The following PTPN22 variants were observed in gnomAD, a reference collection of about 807,000 sequenced individuals.
PTPN22 encodes the protein tyrosine-protein phosphatase non-receptor type 22.
Under a neutral mutation model 103.3 loss-of-function variants are expected in PTPN22, and 85 were observed. The ratio of observed to expected loss-of-function variants is 0.82; its 90% confidence interval spans 0.69 to 0.99. PTPN22 has a LOEUF of 0.99. PTPN22 is among the 50% of genes least tolerant of loss of function. The probability of loss-of-function intolerance (pLI) is 0.00; values close to 1 mark genes in which losing one functional copy is unlikely to be tolerated. For synonymous variants in PTPN22, 323 were observed against 310.2 expected, an observed-to-expected ratio of 1.04 and a Z score of -0.43; for missense variants, 865 against 936.9, an observed-to-expected ratio of 0.92 and a Z score of 1.00.
In PTPN22 at chr1:113,836,956, G is replaced by A. The variant is rs914651591; in HGVS notation, c.1810+634C>T. On this transcript the variant is annotated intron_variant, in intron 13 of 20. Coordinates refer to ENST00000359785, the Ensembl canonical transcript of PTPN22. Reference sequence around the variant, plus strand: ...ATATTTTTAAAAAACAGTATATTGTGAGCCTTTGATATACATTTCTAGAAA... The same window carrying A: ...ATATTTTTAAAAAACAGTATATTGTAAGCCTTTGATATACATTTCTAGAAA... Among the ~76,000 whole-genome samples the A allele has an allele frequency of 9.9e-5, 15 of 151,966 alleles. No individual in the cohort carries two copies. In the South Asian group the frequency reaches 1.2e-3, roughly 13 times the overall value.
chr1:113,844,471 CA>C (rs1464968363), intron 11 of PTPN22, among the ~76,000 whole-genome samples: 1 of 152,100 alleles, frequency 6.6e-6, no homozygotes, highest in African/African-American at 2.4e-5. Context: ...CAAAAACAAA[CA>C]AAAAACCAAT....
In PTPN22 at chr1:113,858,469, C is replaced by T. The variant is rs748841067; in HGVS notation, c.369+9G>A. ...GAGAATAAAGTAACAAAAGCAACAC[C>T]ATACTTACAAGGACACTATATTCCC... On this transcript the variant is annotated intron_variant, in intron 4 of 20. Transcript: ENST00000359785. 7.7e-6 allele frequency: 12 copies of T among 1,550,522 alleles called. No homozygotes were observed. In the South Asian group the frequency reaches 1.1e-4, roughly 15 times the overall value.
intron 19 of PTPN22, among the ~76,000 whole-genome samples, chr1:113,821,304 T>C (rs1416711252): frequency 2.0e-5 from 3 of 151,954 alleles, no homozygotes; most frequent in Admixed American, 6.6e-5. Flanking sequence ...ATTTTTTTGT[T>C]TTGTTTTGTT....
exon 13 of PTPN22, chr1:113,838,070 T>A (rs74163655): frequency 4.3e-6 from 7 of 1,613,818 alleles, no homozygotes; most frequent in Non-Finnish European, 5.9e-6. Context: ...GTCCGTGTTA[T>A]TGGCACCTTT....
chr1:113,852,868 A>T (rs188989656), intron 9 of PTPN22, among the ~76,000 whole-genome samples: 283 of 152,364 alleles, frequency 1.9e-3, no homozygotes, highest in African/African-American at 6.6e-3. Flanking sequence ...AACAGAAATC[A>T]TATGTCTACT....
intron 9 of PTPN22, among the ~76,000 whole-genome samples, chr1:113,853,933 T>C (rs1401968344): frequency 6.8e-6 from 1 of 146,586 alleles, no homozygotes; most frequent in Non-Finnish European, 1.5e-5. Context: ...TGGCGCGATC[T>C]TGGCTCACTG....
At chr1:113,845,060 C>A (rs923075901) in intron 11 of PTPN22, among the ~76,000 whole-genome samples, 2 of 152,176 alleles carry the variant, frequency 1.3e-5, no homozygotes, top group East Asian at 3.8e-4. Flanking sequence ...CTCAAGGAAT[C>A]CTCCCACCTT....
At chr1:113,862,382 A>G (rs1665691063) in intron 1 of PTPN22, among the ~76,000 whole-genome samples, 1 of 152,142 alleles carries the variant, frequency 6.6e-6, no homozygotes, top group Admixed American at 6.5e-5. Flanking sequence ...GAGAAACCAG[A>G]TTCTGTGTGT....
chr1:113,821,368 C>G (rs1226389514), intron 19 of PTPN22, among the ~76,000 whole-genome samples: 1 of 152,086 alleles, frequency 6.6e-6, no homozygotes. Context: ...GTCGCCCAGG[C>G]TGGAGTGCAA....
At chr1:113,866,619 C>G (rs1297506701) in intron 1 of PTPN22, among the ~76,000 whole-genome samples, 5 of 152,042 alleles carry the variant, frequency 3.3e-5, no homozygotes, top group Non-Finnish European at 7.4e-5. Context: ...TTTAATCAGC[C>G]TGATAATTTT....
chr1:113,839,583 ATAAT>A (rs1663340264), intron 11 of PTPN22, among the ~76,000 whole-genome samples: 2 of 152,152 alleles, frequency 1.3e-5, no homozygotes, highest in South Asian at 4.1e-4. Context: ...ATCTTAAAAT[ATAAT>A]TGATTATAAA....
In PTPN22 at chr1:113,833,100, G is replaced by T. The variant is rs754596513; in HGVS notation, c.2053+11C>A. On this transcript the variant is annotated intron_variant, in intron 16 of 20. Coordinates refer to ENST00000359785, the Ensembl canonical transcript of PTPN22. The stretch of plus-strand genomic sequence containing the variant: ...GGCTAAATGTCATCTAAAGCCAAGA[G>T]AAATTTTTACCTGATTTAGGACTTC... The T allele has an allele frequency of 1.3e-6, 2 of 1,564,430 alleles. No homozygotes were observed. The highest frequency in any genetic ancestry group is 1.8e-6 in the Non-Finnish European group (2 of 1,139,348).
chr1:113,848,903 C>T (rs1664323178), intron 10 of PTPN22, among the ~76,000 whole-genome samples: 2 of 151,946 alleles, frequency 1.3e-5, no homozygotes, highest in Admixed American at 6.6e-5. Context: ...ATGTTCTAAA[C>T]CTAGTTTCTT....
intron 11 of PTPN22, among the ~76,000 whole-genome samples, chr1:113,847,127 G>C (rs1021489773): frequency 7.1e-6 from 1 of 140,922 alleles, no homozygotes; most frequent in African/African-American, 2.6e-5. Flanking sequence ...TCTTTTTTCC[G>C]TACCCTCTAT....
intron 11 of PTPN22, among the ~76,000 whole-genome samples, chr1:113,845,616 G>A (rs755696533): frequency 7.2e-5 from 11 of 152,060 alleles, no homozygotes; most frequent in Non-Finnish European, 1.3e-4. Flanking sequence ...ATTCTTATTA[G>A]GTAGAGTGTT....
chr1:113,829,631 C>T (rs1426021630), exon 18 of PTPN22: 1 of 1,607,172 alleles, frequency 6.2e-7, no homozygotes, highest in Admixed American at 1.7e-5. Context: ...TCTTCAGTGT[C>T]TGTTTTGAAG....
intron 14 of PTPN22, 138 bp from the exon 15 acceptor site, chr1:113,834,577 G>A: frequency 2.0e-6 from 2 of 1,000,074 alleles, no homozygotes; most frequent in Non-Finnish European, 1.5e-6. Context: ...TTTATTTTTT[G>A]AGACAGGGTC....
chr1:113,868,805 T>C (rs1177797923), intron 1 of PTPN22, among the ~76,000 whole-genome samples: 2 of 152,142 alleles, frequency 1.3e-5, no homozygotes, highest in East Asian at 3.8e-4. Flanking sequence ...TGGGTAGTGG[T>C]TGCACTGCTA....
chr1:113,816,814 C>T (rs1661189994), intron 20 of PTPN22, among the ~76,000 whole-genome samples: 1 of 152,074 alleles, frequency 6.6e-6, no homozygotes, highest in South Asian at 2.1e-4. Flanking sequence ...GAGGCTGAGG[C>T]AGGAGAATCG....
Sources: allele counts gnomAD v4.1 joint callset (sites outside exome capture counted in the v4.1 genomes callset), GRCh38; gene constraint gnomAD v4.1.1; transcripts MANE v1.5; gene names NCBI Gene and HGNC (gene_info 2026-07-23, HGNC 2026-07-21).